The following L2HGDH variants were observed in gnomAD, a reference collection of about 807,000 sequenced individuals.
The protein encoded by L2HGDH is L-2-hydroxyglutarate dehydrogenase.
L2HGDH carries 34 observed loss-of-function variants against 51.5 expected under a neutral mutation model. The ratio of observed to expected loss-of-function variants is 0.66; its 90% CI spans 0.50 to 0.88. L2HGDH has a LOEUF of 0.88. Among genes scored for constraint, L2HGDH ranks in the 40% least tolerant of loss-of-function variants. L2HGDH has a pLI of 0.00. For missense variants in L2HGDH, 558 were observed against 571.9 expected (o/e 0.98, Z 0.25); for synonymous variants, 198 against 197.9 (o/e 1.00, Z -0.01).
Position 50,283,851 on chromosome 14 carries a change from A to G in L2HGDH, c.703+20T>C, listed in dbSNP as rs1165042695. Reference sequence around the variant, plus strand: ...ATGGAGGGCTGACTATATTCAATAGAAAAGACAAGGATGGCTTACCATCTA... The same window carrying G: ...ATGGAGGGCTGACTATATTCAATAGGAAAGACAAGGATGGCTTACCATCTA... On this transcript the variant is annotated intron_variant, in intron 5 of 9. Coordinates refer to ENST00000267436, the MANE Select transcript of L2HGDH (RefSeq NM_024884.3). 8 of 1,610,782 alleles carry G rather than the reference A, an allele frequency of 5.0e-6. No individual in the cohort carries two copies. The highest frequency in any genetic ancestry group is 8.5e-7 in the Non-Finnish European group (1 of 1,177,070).
chr14:50,257,761 T>G (rs563114966), intron 9 of L2HGDH, among the ~76,000 whole-genome samples: 2 of 144,992 alleles, frequency 1.4e-5, no homozygotes, highest in African/African-American at 5.0e-5. Context: ...TTTTCTTTGG[T>G]TTTTTTTTTT....
intron 4 of L2HGDH, among the ~76,000 whole-genome samples, chr14:50,285,980 T>C (rs1265389306): frequency 6.6e-6 from 1 of 152,186 alleles, no homozygotes; most frequent in Non-Finnish European, 1.5e-5. Context: ...TGCTCTGGCC[T>C]GGGACTAGCT....
chr14:50,265,645 G>A (rs1330568029), intron 8 of L2HGDH, among the ~76,000 whole-genome samples, 156 bp from the exon 9 acceptor site: 1 of 152,200 alleles, frequency 6.6e-6, no homozygotes, highest in Non-Finnish European at 1.5e-5. Context: ...CAGGAGTGGT[G>A]GCTCACGCCT....
At chr14:50,269,477 G>C in intron 6 of L2HGDH, 147 bp from the exon 7 acceptor site, 1 of 720,296 alleles carries the variant, frequency 1.4e-6, no homozygotes, top group Non-Finnish European at 2.3e-6. Context: ...AGCAAAATAT[G>C]TTCTTTAGCA....
At chr14:50,284,756 G>T (rs1332647026) in intron 4 of L2HGDH, among the ~76,000 whole-genome samples, 1 of 152,094 alleles carries the variant, frequency 6.6e-6, no homozygotes, top group Non-Finnish European at 1.5e-5. Flanking sequence ...CCCCAAGAGG[G>T]TAGCCTGGTA....
chr14:50,309,088 T>G (rs556529663), intron 1 of L2HGDH, among the ~76,000 whole-genome samples: 2 of 152,352 alleles, frequency 1.3e-5, no homozygotes, highest in South Asian at 4.1e-4. Flanking sequence ...CTGGTATTTT[T>G]TTCCCACGTC....
chr14:50,269,084 C>T, intron 7 of L2HGDH, 79 bp downstream of exon 7: 1 of 1,204,616 alleles, frequency 8.3e-7, no homozygotes, highest in South Asian at 1.2e-5. Flanking sequence ...ATTTCTGACC[C>T]AAGTGAAAGT....
At chr14:50,265,057 G>A (rs1432854562) in intron 9 of L2HGDH, among the ~76,000 whole-genome samples, 5 of 152,150 alleles carry the variant, frequency 3.3e-5, no homozygotes, top group African/African-American at 1.2e-4. Flanking sequence ...TATCAGGAGT[G>A]ATAGTTAGAC....
At chr14:50,307,160 G>A (rs1237630618) in intron 1 of L2HGDH, among the ~76,000 whole-genome samples, 1 of 152,128 alleles carries the variant, frequency 6.6e-6, no homozygotes, top group Admixed American at 6.5e-5. Flanking sequence ...TTTTGGGGAG[G>A]TAGACCTTCC....
At position 50,278,545 on chromosome 14, in the gene L2HGDH, TA is replaced by T; in HGVS notation, c.712del (p.Tyr238IlefsTer5). Reference sequence around the variant, plus strand: ...CTTTGTATTCTTTATAACAATTGGATATTGCATTCCTGAAAAAAAAGAATAA... The same window carrying T: ...CTTTGTATTCTTTATAACAATTGGATTTGCATTCCTGAAAAAAAAGAATAA... ...SPSRSIDGMQ[Y>X]PIVIKNTKGE... On this transcript the variant is annotated frameshift_variant, in exon 6 of 10. Coordinates refer to ENST00000267436, the MANE Select transcript of L2HGDH (RefSeq NM_024884.3). LOFTEE classifies it high-confidence loss of function. 1 of 1,467,410 alleles carries T rather than the reference TA, an allele frequency of 6.8e-7. No individual in the cohort carries two copies. Among genetic ancestry groups the T allele is most frequent in the Non-Finnish European group, 9.5e-7 (1 of 1,056,286 alleles). 90.9% of individuals were successfully genotyped at this position (1,467,410 alleles called of 1,614,324 possible).
chr14:50,305,767 G>A (rs747995747), intron 1 of L2HGDH, among the ~76,000 whole-genome samples: 50 of 152,122 alleles, frequency 3.3e-4, no homozygotes, highest in Non-Finnish European at 5.7e-4. Context: ...ACAGGGGATT[G>A]GTTTCAGGAC....
Position 50,247,158 on chromosome 14 carries a change from C to T in L2HGDH, c.1292G>A (p.Arg431His), listed in dbSNP as rs765823076. The T allele has an allele frequency of 9.3e-6, 15 of 1,613,950 alleles. No individual in the cohort carries two copies. The highest frequency in any genetic ancestry group is 5.5e-5 in the South Asian group (5 of 91,082). The change falls in exon 10 of 10, where the codon CGC (arginine) becomes CAC (histidine). Residue 431 changes from arginine (R) to histidine (H), a missense_variant. Physicochemically the swap from Arg to His is conservative, Grantham distance 29. Transcript: ENST00000267436. ...FDAGVGDIGN[R>H]ILHVRNAPSP... ...AGGTGCATTTCTCACATGAAGAATG[C>T]GATTTCCAATATCCCCAACTCCTGC...
rs757880431 is a variant in L2HGDH, at chr14:50,247,038, T to C, written c.*20A>G. On this transcript the variant is annotated 3_prime_UTR_variant, in exon 10 of 10. Transcript: ENST00000267436. Reference sequence around the variant, plus strand: ...TTGCTGACATGAAGATTACAGTGCATACCTAGCTCCTTTCATTATTTATAA... The same window carrying C: ...TTGCTGACATGAAGATTACAGTGCACACCTAGCTCCTTTCATTATTTATAA... The C allele has an allele frequency of 1.9e-6, 3 of 1,610,168 alleles. No individual in the cohort carries two copies. Among genetic ancestry groups the C allele is most frequent in the Non-Finnish European group, 2.5e-6 (3 of 1,177,744 alleles).
intron 1 of L2HGDH, among the ~76,000 whole-genome samples, chr14:50,310,185 G>A (rs2031008894): frequency 6.6e-6 from 1 of 151,994 alleles, no homozygotes; most frequent in African/African-American, 2.4e-5. Flanking sequence ...TGTTTTCATT[G>A]GGGTAAATGG....
At chr14:50,271,748 T>C (rs1376151714) in intron 6 of L2HGDH, among the ~76,000 whole-genome samples, 1 of 152,174 alleles carries the variant, frequency 6.6e-6, no homozygotes, top group Non-Finnish European at 1.5e-5. Flanking sequence ...AAATAAACCA[T>C]GCATGTCTGT....
Position 50,278,572 on chromosome 14 carries a change from G to C in L2HGDH, c.704-18C>G. On this transcript the variant is annotated intron_variant, in intron 5 of 9. Coordinates refer to ENST00000267436, the MANE Select transcript of L2HGDH (RefSeq NM_024884.3). ...TTGCATTCCTGAAAAAAAAGAATAAGTGAAAAATTTATTTTTAGCAAAAGG... is the reference window on the plus strand; with the variant it reads ...TTGCATTCCTGAAAAAAAAGAATAACTGAAAAATTTATTTTTAGCAAAAGG... 7.6e-7 allele frequency: 1 copy of C among 1,310,326 alleles called. No homozygotes were observed. Among genetic ancestry groups the C allele is most frequent in the Non-Finnish European group, 1.1e-6 (1 of 919,592 alleles). The allele number at this position is 1,310,326 out of a possible 1,614,324, so 81.2% of individuals were successfully genotyped here.
rs562977569 is a variant in L2HGDH, at chr14:50,303,037, T to G, written c.141-20A>C. The G allele has an allele frequency of 1.2e-5, 17 of 1,465,256 alleles. No individual in the cohort carries two copies. The African/African-American group carries it at 2.2e-4, about 19-fold the overall frequency. 90.8% of individuals were successfully genotyped at this position (1,465,256 alleles called of 1,614,324 possible). On this transcript the variant is annotated intron_variant, in intron 1 of 9. Coordinates refer to ENST00000267436, the MANE Select transcript of L2HGDH (RefSeq NM_024884.3). Reference sequence around the variant, plus strand: ...AATGAGCTTCAAAAGAAAGTCATCTTTAAAGTAATTCATATTTACAGTAGA... The same window carrying G: ...AATGAGCTTCAAAAGAAAGTCATCTGTAAAGTAATTCATATTTACAGTAGA...
At chr14:50,290,551 C>T (rs141936993) in intron 4 of L2HGDH, among the ~76,000 whole-genome samples, 407 of 152,280 alleles carry the variant, frequency 2.7e-3, no homozygotes, top group Non-Finnish European at 4.5e-3. Context: ...GGCTTATGAT[C>T]TCTGTTGCAA....
rs1380012269 is a variant in L2HGDH, at chr14:50,244,667, ACTT to A, written c.*2388_*2390del. On this transcript the variant is annotated 3_prime_UTR_variant, in exon 10 of 10. Coordinates refer to ENST00000267436, the MANE Select transcript of L2HGDH (RefSeq NM_024884.3). ...CTACTCTGTTTACCTGGGATGTGCTACTTCTTAAACATGAGCTGATGAAGTGTA... is the reference window on the plus strand; with the variant it reads ...CTACTCTGTTTACCTGGGATGTGCTACTTAAACATGAGCTGATGAAGTGTA... The A allele has an allele frequency of 1.0e-6, 1 of 985,316 alleles. No homozygotes were observed. Among genetic ancestry groups the A allele is most frequent in the African/African-American group, 1.7e-5 (1 of 57,244 alleles). 61.0% of individuals were successfully genotyped at this position (985,316 alleles called of 1,614,324 possible).
Sources: allele counts gnomAD v4.1 joint callset (sites outside exome capture counted in the v4.1 genomes callset), GRCh38; gene constraint gnomAD v4.1.1; transcripts MANE v1.5; gene names NCBI Gene and HGNC (gene_info 2026-07-23, HGNC 2026-07-21).